The following DPP10 variants were observed in gnomAD, a reference collection of about 807,000 sequenced individuals.
DPP10 encodes the protein dipeptidyl peptidase like 10, also known as inactive dipeptidyl peptidase 10.
Under a neutral mutation model 120.9 loss-of-function variants are expected in DPP10, and 33 were observed. The ratio of observed to expected loss-of-function variants is 0.27; its 90% CI spans 0.21 to 0.37. DPP10 has a LOEUF of 0.37. Ranked by LOEUF, DPP10 falls within the 10% of genes least tolerant of loss-of-function variation. The probability of loss-of-function intolerance (pLI) is 1.00; values close to 1 mark genes in which losing one functional copy is unlikely to be tolerated. For synonymous variants in DPP10, 337 were observed against 326.1 expected, an observed-to-expected ratio of 1.03 and a Z score of -0.36; for missense variants, 816 against 942.8, an observed-to-expected ratio of 0.87 and a Z score of 1.76.
intron 1 of DPP10, among the ~76,000 whole-genome samples, chr2:114,616,260 G>A (rs1182262879): frequency 1.3e-5 from 2 of 152,054 alleles, no homozygotes; most frequent in South Asian, 2.1e-4. Context: ...GTGTGCATCC[G>A]TCTTCCATTG....
intron 1 of DPP10, among the ~76,000 whole-genome samples, chr2:114,559,486 T>G (rs901631180): frequency 2.0e-5 from 3 of 152,218 alleles, no homozygotes; most frequent in Non-Finnish European, 2.9e-5. Context: ...ACTTCTGACC[T>G]TCAGAGCTGT....
chr2:115,682,598 G>A (rs2090735171), intron 5 of DPP10, among the ~76,000 whole-genome samples: 1 of 151,812 alleles, frequency 6.6e-6, no homozygotes, highest in African/African-American at 2.4e-5. Flanking sequence ...GATCTCCTTT[G>A]GGGTAATAAA....
chr2:114,626,611 A>C (rs983329885), intron 1 of DPP10, among the ~76,000 whole-genome samples: 2 of 152,070 alleles, frequency 1.3e-5, no homozygotes, highest in Non-Finnish European at 2.9e-5. Context: ...ACCCATCTAG[A>C]AGCAGATCTA....
At chr2:115,087,646 C>T (rs1015068384) in intron 1 of DPP10, among the ~76,000 whole-genome samples, 5 of 150,362 alleles carry the variant, frequency 3.3e-5, no homozygotes, top group Admixed American at 6.6e-5. Flanking sequence ...CTCTGCCTCC[C>T]GGGTTCAAGC....
intron 5 of DPP10, among the ~76,000 whole-genome samples, chr2:115,621,970 G>A (rs1575361741): frequency 6.6e-6 from 1 of 152,146 alleles, no homozygotes; most frequent in African/African-American, 2.4e-5. Flanking sequence ...GAGCCACCAC[G>A]CCCAGCCACA....
At chr2:115,014,664 C>T (rs781306717) in intron 1 of DPP10, among the ~76,000 whole-genome samples, 3 of 151,906 alleles carry the variant, frequency 2.0e-5, no homozygotes, top group Non-Finnish European at 2.9e-5. Flanking sequence ...GGCATATCAC[C>T]ACTGATCCCA....
At chr2:115,631,780 T>A (rs2085894159) in intron 5 of DPP10, among the ~76,000 whole-genome samples, 1 of 152,156 alleles carries the variant, frequency 6.6e-6, no homozygotes, top group South Asian at 2.1e-4. Context: ...GAGAGACTGG[T>A]TGTTATGATT....
chr2:115,762,742 T>G, intron 12 of DPP10, 132 bp downstream of exon 12: 1 of 1,015,592 alleles, frequency 9.8e-7, no homozygotes, highest in Non-Finnish European at 1.5e-6. Context: ...CCTTTTTCAT[T>G]AAAAGGATCA....
At chr2:114,988,487 T>A (rs1455234003) in intron 1 of DPP10, among the ~76,000 whole-genome samples, 4 of 152,174 alleles carry the variant, frequency 2.6e-5, no homozygotes, top group Admixed American at 2.6e-4. Context: ...AAATTATCAT[T>A]TTTTTTCTCA....
At chr2:115,658,783 A>G (rs1159777583) in intron 5 of DPP10, among the ~76,000 whole-genome samples, 1 of 152,142 alleles carries the variant, frequency 6.6e-6, no homozygotes, top group East Asian at 1.9e-4. Flanking sequence ...AAACAACAAT[A>G]AAATCACTAC....
chr2:115,486,690 A>C (rs918702796), intron 3 of DPP10, among the ~76,000 whole-genome samples: 2 of 152,166 alleles, frequency 1.3e-5, no homozygotes, highest in Admixed American at 6.6e-5. Flanking sequence ...TTATGCTACT[A>C]TTCTGCAAAC....
intron 1 of DPP10, among the ~76,000 whole-genome samples, chr2:114,903,754 T>C (rs1188936017): frequency 6.6e-6 from 1 of 152,158 alleles, no homozygotes; most frequent in Admixed American, 6.5e-5. Context: ...ATAAAGGTGG[T>C]GCCATAACCA....
chr2:115,095,647 T>G (rs2104586020), intron 1 of DPP10, among the ~76,000 whole-genome samples: 1 of 151,750 alleles, frequency 6.6e-6, no homozygotes, highest in South Asian at 2.1e-4. Flanking sequence ...TGGCACTATC[T>G]TGGCTCACTG....
intron 1 of DPP10, among the ~76,000 whole-genome samples, chr2:114,596,392 C>G (rs1055454329): frequency 6.6e-6 from 1 of 151,696 alleles, no homozygotes; most frequent in Admixed American, 6.6e-5. Flanking sequence ...TGAGGGTCTT[C>G]GAAAAGCAAA....
At chr2:114,837,569 C>T (rs1687841453) in intron 1 of DPP10, among the ~76,000 whole-genome samples, 1 of 151,710 alleles carries the variant, frequency 6.6e-6, no homozygotes, top group South Asian at 2.1e-4. Context: ...ACAATGGAAA[C>T]CCTGTTCTCT....
intron 1 of DPP10, among the ~76,000 whole-genome samples, chr2:114,748,060 T>C (rs1678750199): frequency 6.6e-6 from 1 of 152,168 alleles, no homozygotes; most frequent in Non-Finnish European, 1.5e-5. Context: ...AATAAAAAAA[T>C]AGAAACTTGC....
intron 3 of DPP10, among the ~76,000 whole-genome samples, chr2:115,456,259 T>C (rs1366993094): frequency 1.3e-5 from 2 of 151,964 alleles, no homozygotes; most frequent in African/African-American, 4.8e-5. Context: ...ACCACAATTA[T>C]ATATCATCTC....
intron 1 of DPP10, among the ~76,000 whole-genome samples, chr2:115,236,077 T>A (rs1266534356): frequency 6.6e-6 from 1 of 152,122 alleles, no homozygotes; most frequent in Non-Finnish European, 1.5e-5. Context: ...ATACTCCCCC[T>A]CCAAACACAC....
chr2:115,535,432 G>A (rs2078756681), intron 5 of DPP10, among the ~76,000 whole-genome samples: 1 of 152,010 alleles, frequency 6.6e-6, no homozygotes, highest in Non-Finnish European at 1.5e-5. Flanking sequence ...CAGATATGTG[G>A]CGTTATTTCT....
Sources: gnomAD v4.1 joint callset for allele counts (sites outside exome capture counted in the v4.1 genomes callset) on GRCh38, gnomAD v4.1.1 for gene constraint, MANE v1.5 for transcripts, NCBI Gene and HGNC (gene_info 2026-07-23, HGNC 2026-07-21) for gene names.